TMEM50B: variants seen among roughly 807,000 people sequenced by gnomAD.
TMEM50B encodes HCV p7-trans-regulated protein 3.
Under a neutral mutation model 23.4 loss-of-function variants are expected in TMEM50B, and 14 were observed. The observed-to-expected ratio is 0.60, with a 90% confidence interval of 0.39 to 0.93. The LOEUF (loss-of-function observed/expected upper bound fraction) is 0.93, where lower values mean the gene tolerates loss of function less well. Ranked by LOEUF, TMEM50B falls within the 40% of genes least tolerant of loss-of-function variation. The pLI is 0.00. For synonymous variants in TMEM50B, 64 were observed against 62.3 expected, an observed-to-expected ratio of 1.03 and a Z score of -0.13; for missense variants, 159 against 193.0, an observed-to-expected ratio of 0.82 and a Z score of 1.04.
intron 6 of TMEM50B, among the ~76,000 whole-genome samples, chr21:33,452,852 A>G (rs2084134101): frequency 6.6e-6 from 1 of 152,210 alleles, no homozygotes; most frequent in Non-Finnish European, 1.5e-5. Flanking sequence ...GAAATGACAC[A>G]GACAATTGGA....
At chr21:33,462,204 T>C (rs1447651972) in intron 4 of TMEM50B, among the ~76,000 whole-genome samples, 1 of 152,160 alleles carries the variant, frequency 6.6e-6, no homozygotes, top group Admixed American at 6.5e-5. Context: ...GGGAACTAAA[T>C]AGAGATAGTT....
intron 8 of TMEM50B, among the ~76,000 whole-genome samples, chr21:33,436,086 A>AACAAATT (rs1386028923): frequency 1.3e-5 from 2 of 151,330 alleles, no homozygotes; most frequent in Non-Finnish European, 2.9e-5. Context: ...TGCCGGGTGC[A>AACAAATT]GTGGCTCACA....
chr21:33,439,952 A>G (rs914169792), intron 7 of TMEM50B, among the ~76,000 whole-genome samples: 2 of 151,870 alleles, frequency 1.3e-5, no homozygotes, highest in African/African-American at 4.8e-5. Context: ...AAGCTGAGGC[A>G]GGAGAATCAC....
intron 1 of TMEM50B, among the ~76,000 whole-genome samples, chr21:33,474,858 G>C (rs922263159): frequency 3.1e-5 from 2 of 63,738 alleles, no homozygotes; most frequent in African/African-American, 1.3e-4. Flanking sequence ...AAAAGCAAGA[G>C]AAAGATAAAC....
chr21:33,464,383 A>G (rs2084245006), intron 4 of TMEM50B, among the ~76,000 whole-genome samples: 1 of 151,428 alleles, frequency 6.6e-6, no homozygotes, highest in Non-Finnish European at 1.5e-5. Context: ...ATTTTTTAGT[A>G]GAGACGGGGT....
At chr21:33,435,183 G>GAAATT (rs1388211427) in intron 8 of TMEM50B, among the ~76,000 whole-genome samples, 1 of 152,206 alleles carries the variant, frequency 6.6e-6, no homozygotes, top group African/African-American at 2.4e-5. Flanking sequence ...GAGCAAAAGG[G>GAAATT]AAATTAATCG....
At chr21:33,433,329 C>T (rs546284847) in intron 8 of TMEM50B, among the ~76,000 whole-genome samples, 5 of 152,122 alleles carry the variant, frequency 3.3e-5, no homozygotes, top group East Asian at 1.9e-4. Flanking sequence ...CATGTTGACA[C>T]GATTCACAAC....
At chr21:33,479,666 G>A (rs2084409510) in intron 1 of TMEM50B, among the ~76,000 whole-genome samples, 172 bp downstream of exon 1, 1 of 152,116 alleles carries the variant, frequency 6.6e-6, no homozygotes, top group Non-Finnish European at 1.5e-5. Context: ...GGGCTCCGCG[G>A]GCCCGAGTCT....
chr21:33,452,142 A>G (rs1361197565), intron 6 of TMEM50B, among the ~76,000 whole-genome samples: 1 of 152,240 alleles, frequency 6.6e-6, no homozygotes, highest in African/African-American at 2.4e-5. Flanking sequence ...ATCTCTAAAG[A>G]CTGCCTAAAA....
At position 33,468,066 on chromosome 21, in the gene TMEM50B, T is replaced by TAAAAAAA. The variant is rs3057402; in HGVS notation, c.99+714_99+720dup. Among the ~76,000 whole-genome samples the TAAAAAAA allele has an allele frequency of 1.5e-4, 20 of 131,430 alleles. 4 individuals carry two copies. The highest frequency in any genetic ancestry group is 3.2e-4 in the Admixed American group (4 of 12,504). 86.2% of individuals were successfully genotyped at this position (131,430 alleles called of 152,430 possible). ...ACAACATAGCAAGACCTCGTCTCTT[T>TAAAAAAA]AAAAAAAAAAAAAAAAGTGCGGACA... On this transcript the variant is annotated intron_variant, in intron 2 of 6. Coordinates refer to ENST00000542230, the MANE Select transcript of TMEM50B (RefSeq NM_006134.7).
chr21:33,470,573 T>C (rs1022749436), intron 1 of TMEM50B, among the ~76,000 whole-genome samples: 8 of 138,518 alleles, frequency 5.8e-5, no homozygotes, highest in East Asian at 2.1e-4. Context: ...GTACTAAAAA[T>C]ACAAAAAAAA....
downstream of TMEM50B, chr21:33,446,979 C>T (rs1025895486): frequency 2.6e-5 from 4 of 151,770 alleles, no homozygotes; most frequent in African/African-American, 9.7e-5. Flanking sequence ...CATGTCTCTA[C>T]TAAAAATACA....
In TMEM50B at chr21:33,468,843, A is replaced by G. The variant is rs371736531; in HGVS notation, c.43T>C (p.Cys15Arg). 5 of 1,613,818 alleles carry G rather than the reference A, an allele frequency of 3.1e-6. No homozygotes were observed. Among genetic ancestry groups the G allele is most frequent in the Non-Finnish European group, 4.2e-6 (5 of 1,179,982 alleles). Reference protein sequence around the residue: ...LDNFRWPECECIDWSERRNAV... With the variant: ...LDNFRWPECERIDWSERRNAV... ...TTTCTTCTCTCACTCCAGTCAATAC[A>G]TTCACATTCTGGCCAACGAAAATTA... The change falls in exon 2 of 7, where the codon TGT becomes CGT. Residue 15 changes from cysteine (C) to arginine (R), a missense_variant. Physicochemically the swap from Cys to Arg is radical, Grantham distance 180. Coordinates refer to ENST00000542230, the MANE Select transcript of TMEM50B (RefSeq NM_006134.7).
intron 5 of TMEM50B, 186 bp from the exon 6 acceptor site, chr21:33,455,970 T>C (rs1305864622): frequency 2.8e-6 from 2 of 704,114 alleles, no homozygotes; most frequent in East Asian, 5.4e-5. Flanking sequence ...AGCAAAGGAC[T>C]GCTCTTACTC....
rs2083962754 is a variant in TMEM50B at position 33,437,071 on chromosome 21, TA to T, written c.*2120+2142del. On this transcript the variant is annotated intron_variant and NMD_transcript_variant, in intron 8 of 8. Coordinates refer to the TMEM50B transcript ENST00000420455. ...GACCAGTATTCCCTTTTGCTGCCTC[TA>T]AAAGGCCTGTCCCTGCAGACATGAG... 8 of 1,111,334 alleles carry T rather than the reference TA, an allele frequency of 7.2e-6. No individual in the cohort carries two copies. In the East Asian group the frequency reaches 1.9e-4, roughly 27 times the overall value. 68.8% of individuals were successfully genotyped at this position (1,111,334 alleles called of 1,614,324 possible). A position where few individuals can be genotyped will look rare whatever the true frequency, so the allele number is the denominator to read the frequency against.
intron 5 of TMEM50B, among the ~76,000 whole-genome samples, chr21:33,459,472 C>A (rs572675185): frequency 1.1e-3 from 171 of 152,114 alleles, no homozygotes; most frequent in Non-Finnish European, 2.0e-3. Flanking sequence ...TTGAGACCAG[C>A]CTGGCCAACA....
At chr21:33,464,804 C>CCAAAAAAAAAAAAAAAAAAAAAAAA (rs2084249852) in intron 4 of TMEM50B, among the ~76,000 whole-genome samples, 1 of 100,896 alleles carries the variant, frequency 9.9e-6, no homozygotes, top group Non-Finnish European at 2.2e-5. Context: ...AACTCCGTCT[C>CCAAAAAAAAAAAAAAAAAAAAAAAA]AAAAAAAAAA....
intron 1 of TMEM50B, among the ~76,000 whole-genome samples, chr21:33,476,387 AAAT>A (rs1401846711): frequency 2.6e-5 from 4 of 152,178 alleles, no homozygotes; most frequent in Admixed American, 2.6e-4. Context: ...CCGTCTCAAA[AAAT>A]AATAAAAGAA....
intron 6 of TMEM50B, among the ~76,000 whole-genome samples, chr21:33,455,412 C>T (rs1242591992): frequency 6.6e-6 from 1 of 152,094 alleles, no homozygotes; most frequent in Non-Finnish European, 1.5e-5. Context: ...TCTTAAACTC[C>T]TAGACTTAAG....
Sources: gnomAD v4.1 joint callset for allele counts (sites outside exome capture counted in the v4.1 genomes callset) on GRCh38, gnomAD v4.1.1 for gene constraint, MANE v1.5 for transcripts, NCBI Gene and HGNC (gene_info 2026-07-23, HGNC 2026-07-21) for gene names.